The following CCDC28B variants were observed in gnomAD, a reference collection of about 807,000 sequenced individuals.
CCDC28B encodes the protein coiled-coil domain-containing protein 28B.
A neutral mutation model predicts 18.7 loss-of-function variants in CCDC28B; 17 were observed. The ratio of observed to expected loss-of-function variants is 0.91; its 90% CI spans 0.62 to 1.36. The LOEUF is 1.36. CCDC28B is among the 40% of genes most tolerant of loss of function. The pLI, the probability that CCDC28B is intolerant of heterozygous loss-of-function variation, is 0.00. For synonymous variants in CCDC28B, 116 were observed against 105.1 expected, an observed-to-expected ratio of 1.10 and a Z score of -0.64; for missense variants, 213 against 251.7, an observed-to-expected ratio of 0.85 and a Z score of 1.04.
intron 2 of CCDC28B, chr1:32,202,733 AT>A (rs1412644602): frequency 6.1e-6 from 1 of 163,354 alleles, no homozygotes; most frequent in Non-Finnish European, 1.3e-5. Flanking sequence ...TGGCAGGGGC[AT>A]TCAATTTTAT....
In CCDC28B at chr1:32,204,308, G is replaced by A. The variant is rs775352995; in HGVS notation, c.454G>A (p.Val152Ile). 2 of 1,612,376 alleles carry A rather than the reference G, an allele frequency of 1.2e-6. No individual in the cohort carries two copies. Among genetic ancestry groups the A allele is most frequent in the African/African-American group, 2.7e-5 (2 of 74,804 alleles). The change falls in exon 4 of 6, where the codon GTC becomes ATC. Residue 152 changes from valine to isoleucine, a missense_variant. Coordinates refer to ENST00000373602, the MANE Select transcript of CCDC28B (RefSeq NM_024296.5). ...EEDDEEEEDG[V>I]TEGLPEEQKK... ...GGACGATGAAGAGGAAGAGGATGGGGTCACTGAGGGGCTGCCAGAGGAGCA... is the reference window on the plus strand; with the variant it reads ...GGACGATGAAGAGGAAGAGGATGGGATCACTGAGGGGCTGCCAGAGGAGCA...
At position 32,204,216 on chromosome 1, in the gene CCDC28B, A is replaced by C; in HGVS notation, c.362A>C (p.His121Pro). Residue 121 changes from histidine to proline, a missense_variant, in exon 4 of 6, where the codon CAC becomes CCC. By Grantham distance (77) the His-to-Pro change is moderately conservative (BLOSUM62 -2). Transcript: ENST00000373602. Reference protein sequence around the residue: ...GKECSFEQLEHVREMQEKLAR... With the variant: ...GKECSFEQLEPVREMQEKLAR... ...GAATGCTCCTTTGAGCAGCTGGAGCACGTTCGGGAGATGCAGGAGAAGCTA... is the reference window on the plus strand; with the variant it reads ...GAATGCTCCTTTGAGCAGCTGGAGCCCGTTCGGGAGATGCAGGAGAAGCTA... 1 of 1,614,084 alleles carries C rather than the reference A, an allele frequency of 6.2e-7. No homozygotes were observed. Among genetic ancestry groups the C allele is most frequent in the Non-Finnish European group, 8.5e-7 (1 of 1,180,002 alleles).
chr1:32,205,211 C>T lies in CCDC28B; in HGVS notation c.566C>T (p.Ala189Val). ...LSNSIQKLHL[A>V]ENAEPEEQSA... ...GGGCACAGCCAGAAGCTGCACCTGG[C>T]CGAGAACGCCGAGCCTGAGGAGCAG... Residue 189 changes from alanine to valine, a missense_variant, in exon 6 of 6, where the codon GCC becomes GTC. Physicochemically the swap from Ala to Val is moderately conservative, Grantham distance 64. Coordinates refer to ENST00000373602, the MANE Select transcript of CCDC28B (RefSeq NM_024296.5). This position sits in a 1 kb window ranked among gnomAD's most constrained non-coding sequence, Gnocchi z 5.6. The T allele has an allele frequency of 1.9e-6, 3 of 1,613,914 alleles. No individual in the cohort carries two copies. The highest frequency in any genetic ancestry group is 2.7e-5 in the African/African-American group (2 of 75,068).
chr1:32,199,484 T>G (rs1295359017), upstream of CCDC28B, among the ~76,000 whole-genome samples: 1 of 152,196 alleles, frequency 6.6e-6, no homozygotes, highest in Non-Finnish European at 1.5e-5. Context: ...GTGCTCCCTC[T>G]GTCAGCAGCA....
Position 32,202,771 on chromosome 1 carries a change from A to C in CCDC28B, c.164+672A>C, listed in dbSNP as rs148781117. The C allele has an allele frequency of 2.2e-3, 338 of 156,530 alleles. 9 individuals are homozygous for C. In the East Asian group the frequency reaches 0.036, roughly 17 times the overall value. The allele number at this position is 156,530 out of a possible 1,614,324, so 9.7% of individuals were successfully genotyped here. A position where few individuals can be genotyped will look rare whatever the true frequency, so the allele number is the denominator to read the frequency against. The stretch of plus-strand genomic sequence containing the variant: ...CTGAGAGCAGTGGAAATTTTAAGAC[A>C]GTTTTTTTGGTTTATTGGTTTGGCT... On this transcript the variant is annotated intron_variant, in intron 2 of 5. Transcript: ENST00000373602.
chr1:32,204,117 G>A, intron 3 of CCDC28B, 69 bp from the exon 4 acceptor site: 1 of 1,603,942 alleles, frequency 6.2e-7, no homozygotes, highest in Non-Finnish European at 8.5e-7. Flanking sequence ...GGCATGGCTG[G>A]GACCATGGTT....
chr1:32,201,648 C>T (rs1375058418), intron 1 of CCDC28B: 2 of 281,028 alleles, frequency 7.1e-6, no homozygotes, highest in African/African-American at 2.2e-5. Flanking sequence ...CCAGTAGCGC[C>T]AAGATAGTTG....
upstream of CCDC28B, chr1:32,196,081 G>A (rs575234157): frequency 6.2e-6 from 1 of 160,792 alleles, no homozygotes; most frequent in African/African-American, 2.5e-5. Context: ...CTGGGTGCCT[G>A]GCCTCCAGTG....
At chr1:32,202,484 C>A in intron 2 of CCDC28B, 1 of 371,328 alleles carries the variant, frequency 2.7e-6, no homozygotes, top group Non-Finnish European at 5.2e-6. Flanking sequence ...TGAGGAAATA[C>A]CTGGGGGCAC....
rs142381252 is a variant in CCDC28B at position 32,202,789 on chromosome 1, G to A, written c.164+690G>A. 2.5e-3 allele frequency: 393 copies of A among 156,396 alleles called. 1 individual carries two copies. Among genetic ancestry groups the A allele is most frequent in the African/African-American group, 9.2e-3 (383 of 41,558 alleles). The allele number at this position is 156,396 out of a possible 1,614,324, so 9.7% of individuals were successfully genotyped here. On this transcript the variant is annotated intron_variant, in intron 2 of 5. Transcript: ENST00000373602. Reference sequence around the variant, plus strand: ...TTAAGACAGTTTTTTTGGTTTATTGGTTTGGCTTTGTTTTCTATGTATTTT... The same window carrying A: ...TTAAGACAGTTTTTTTGGTTTATTGATTTGGCTTTGTTTTCTATGTATTTT...
upstream of CCDC28B, among the ~76,000 whole-genome samples, chr1:32,199,681 ACATC>A (rs1302779629): frequency 1.3e-5 from 2 of 152,158 alleles, no homozygotes; most frequent in Admixed American, 6.5e-5. Context: ...ATGGCTCCCC[ACATC>A]AGCCAAGAGG....
Position 32,204,630 on chromosome 1 carries a change from C to G in CCDC28B, c.548+10C>G, listed in dbSNP as rs1643260490. 6.3e-7 allele frequency: 1 copy of G among 1,596,518 alleles called. No individual in the cohort carries two copies. Among genetic ancestry groups the G allele is most frequent in the Admixed American group, 1.8e-5 (1 of 55,638 alleles). On this transcript the variant is annotated intron_variant, in intron 5 of 5. Transcript: ENST00000373602. ...ACCTCAGTAATTCTATGTATCCTTT[C>G]CAAGGAACCCGTCTATGTGTGTGTG...
In CCDC28B at chr1:32,204,825, T is replaced by G. The variant is rs765722775; in HGVS notation, c.548+205T>G. ...AGAAAAGTGGTTGTAGGGGATGTTT[T>G]ACTACTGATCAAAATCTTTGTGAGT... On this transcript the variant is annotated intron_variant, in intron 5 of 5. Coordinates refer to ENST00000373602, the MANE Select transcript of CCDC28B (RefSeq NM_024296.5). The G allele has an allele frequency of 3.8e-6, 6 of 1,564,458 alleles. No individual in the cohort carries two copies. The African/African-American group carries it at 8.2e-5, about 21-fold the overall frequency.
intron 4 of CCDC28B, 43 bp downstream of exon 4, chr1:32,204,422 G>C: frequency 9.1e-6 from 14 of 1,535,722 alleles, no homozygotes; most frequent in Non-Finnish European, 1.2e-5. Flanking sequence ...GGGCATGAGG[G>C]GTGGAGAAGG....
chr1:32,199,981 C>T (rs955382665), upstream of CCDC28B, among the ~76,000 whole-genome samples: 2 of 152,300 alleles, frequency 1.3e-5, no homozygotes, highest in East Asian at 3.9e-4. Flanking sequence ...GCCAGGGAAT[C>T]GCGTGGTCTA....
chr1:32,196,741 C>T (rs1274555536), upstream of CCDC28B: 1 of 152,248 alleles, frequency 6.6e-6, no homozygotes, highest in Non-Finnish European at 1.5e-5. Context: ...AGTTCATTGT[C>T]CTGCAGGTCC....
chr1:32,201,981 C>G lies in CCDC28B; in HGVS notation c.46C>G (p.Gln16Glu). ...KKRSPKPCLAQPAQAPGTLRR... is the reference protein window; with the variant it reads ...KKRSPKPCLAEPAQAPGTLRR... ...ACGGAGTCCCAAGCCCTGCCTGGCC[C>G]AGCCAGCCCAGGCCCCAGGCACACT... is the stretch of plus-strand genomic sequence containing the variant. The change falls in exon 2 of 6, where the codon CAG becomes GAG. Residue 16 changes from glutamine (Q) to glutamate (E), a missense_variant. Gln to Glu is a conservative substitution (Grantham distance 29). Transcript: ENST00000373602. 6.2e-7 allele frequency: 1 copy of G among 1,613,292 alleles called. No homozygotes were observed. Among genetic ancestry groups the G allele is most frequent in the Non-Finnish European group, 8.5e-7 (1 of 1,179,642 alleles).
At position 32,205,274 on chromosome 1, in the gene CCDC28B, C is replaced by T. The variant is rs376711667; in HGVS notation, c.*26C>T. 2 of 1,591,732 alleles carry T rather than the reference C, an allele frequency of 1.3e-6. No homozygotes were observed. The highest frequency in any genetic ancestry group is 2.2e-5 in the South Asian group (2 of 88,942). ...GCGTCCCACGCAGGCCCACACTGCC[C>T]CTCTCATTCTCTTCAAACTGTGACT... On this transcript the variant is annotated 3_prime_UTR_variant, in exon 6 of 6. Transcript: ENST00000373602. The surrounding 1 kb of genome is among the most constrained non-coding windows in gnomAD (Gnocchi z 5.6).
rs1219866529 is a variant in CCDC28B, at chr1:32,205,176, G to A, written c.549-18G>A. 2 of 1,613,564 alleles carry A rather than the reference G, an allele frequency of 1.2e-6. No individual in the cohort carries two copies. Among genetic ancestry groups the A allele is most frequent in the Middle Eastern group, 1.7e-4 (1 of 6,050 alleles). Reference sequence around the variant, plus strand: ...AGGAAGGACTGGTCCAAAGCGCCACGATCCTTGACGGGCACAGCCAGAAGC... The same window carrying A: ...AGGAAGGACTGGTCCAAAGCGCCACAATCCTTGACGGGCACAGCCAGAAGC... On this transcript the variant is annotated intron_variant, in intron 5 of 5. Transcript: ENST00000373602. The surrounding 1 kb of genome is among the most constrained non-coding windows in gnomAD (Gnocchi z 5.6).
Sources: gnomAD v4.1 joint callset for allele counts (sites outside exome capture counted in the v4.1 genomes callset) on GRCh38, gnomAD v4.1.1 for gene constraint, Gnocchi (gnomAD v3.1) non-coding constraint, MANE v1.5 for transcripts, NCBI Gene and HGNC (gene_info 2026-07-23, HGNC 2026-07-21) for gene names.